PPP6C: variants seen among roughly 807,000 people sequenced by gnomAD.
The protein encoded by PPP6C is serine/threonine-protein phosphatase 6 catalytic subunit.
PPP6C carries 11 observed loss-of-function variants against 39.8 expected under a neutral mutation model. The observed-to-expected ratio is 0.28, with a 90% CI of 0.17 to 0.46. The LOEUF is 0.46. Ranked by LOEUF, PPP6C falls within the 20% of genes least tolerant of loss-of-function variation. The probability of loss-of-function intolerance (pLI) is 1.00; values close to 1 mark genes in which losing one functional copy is unlikely to be tolerated. For synonymous variants in PPP6C, 129 were observed against 130.3 expected (o/e 0.99, Z 0.07); for missense variants, 211 against 373.9 (o/e 0.56, Z 3.59).
At chr9:125,151,687 C>G (rs1200846031) in intron 6 of PPP6C, 1 of 432,348 alleles carries the variant, frequency 2.3e-6, no homozygotes, top group Non-Finnish European at 4.4e-6. Flanking sequence ...ACCCAGCTTG[C>G]TCCAGTGTAG....
chr9:125,153,387 G>A (rs376671835), intron 6 of PPP6C, 146 bp downstream of exon 6: 20 of 735,884 alleles, frequency 2.7e-5, no homozygotes, highest in East Asian at 2.2e-4. Flanking sequence ...AAAGACATAC[G>A]TTAATAACTA....
In PPP6C at chr9:125,189,728, A is replaced by G. The variant is rs548523990; in HGVS notation, c.-10T>C. 1 of 1,574,116 alleles carries G rather than the reference A, an allele frequency of 6.4e-7. No individual in the cohort carries two copies. Among genetic ancestry groups the G allele is most frequent in the Non-Finnish European group, 8.6e-7 (1 of 1,165,708 alleles). ...GGTCTAGCGGCGCCATTTTAAGAAT[A>G]ACAAGCCGCGGCAACAGCGGCGGCG... On this transcript the variant is annotated 5_prime_UTR_variant, in exon 1 of 7. Transcript: ENST00000373547.
chr9:125,169,737 G>A (rs967370753), intron 2 of PPP6C, among the ~76,000 whole-genome samples: 6 of 152,100 alleles, frequency 3.9e-5, no homozygotes, highest in Admixed American at 2.0e-4. Flanking sequence ...AAGTTACATG[G>A]AAATTTTAGG....
At position 125,148,104 on chromosome 9, in the gene PPP6C, C is replaced by A. The variant is rs1002860766; in HGVS notation, c.*1569G>T. The A allele has an allele frequency of 5.4e-6, 1 of 186,102 alleles. No homozygotes were observed. 11.5% of individuals were successfully genotyped at this position (186,102 alleles called of 1,614,324 possible). A position where few individuals can be genotyped will look rare whatever the true frequency, so the allele number is the denominator to read the frequency against. ...AAAATTAAATCAAAACAGTATTGTG[C>A]TCAATTAATAAAAGAAAACCCTGAT... is the stretch of plus-strand genomic sequence containing the variant. On this transcript the variant is annotated 3_prime_UTR_variant, in exon 7 of 7. Transcript: ENST00000373547.
At chr9:125,185,889 G>A (rs1156238266) in intron 1 of PPP6C, among the ~76,000 whole-genome samples, 2 of 151,960 alleles carry the variant, frequency 1.3e-5, no homozygotes, top group Admixed American at 1.3e-4. Context: ...GAAGGCTGAG[G>A]CAGGAGAATC....
rs191667950 is a variant in PPP6C at position 125,149,940 on chromosome 9, C to T, written c.670-19G>A. ...GAACAAACTGCAATTTAGAAAGGCA[C>T]TGTAAGTACTTAGCACTTAAAAAAC... is the stretch of plus-strand genomic sequence containing the variant. On this transcript the variant is annotated intron_variant, in intron 6 of 6. Transcript: ENST00000373547. 81 of 1,609,668 alleles carry T rather than the reference C, an allele frequency of 5.0e-5. No homozygotes were observed. Among genetic ancestry groups the T allele is most frequent in the Admixed American group, 1.7e-4 (10 of 59,550 alleles).
intron 2 of PPP6C, among the ~76,000 whole-genome samples, chr9:125,166,230 C>T (rs1308812966): frequency 6.6e-6 from 1 of 152,160 alleles, no homozygotes; most frequent in Non-Finnish European, 1.5e-5. Flanking sequence ...AATATCACTG[C>T]TCATTTCATC....
chr9:125,167,411 A>C (rs113910603), intron 2 of PPP6C, among the ~76,000 whole-genome samples: 5,335 of 146,722 alleles, frequency 0.036, 342 homozygotes, highest in African/African-American at 0.13. Flanking sequence ...AAATAAAAAA[A>C]AGGCCGGGCA....
chr9:125,150,729 G>T, intron 6 of PPP6C: 1 of 779,388 alleles, frequency 1.3e-6, no homozygotes, highest in South Asian at 1.3e-5. Context: ...CCTGGAGCTC[G>T]GCAAGGCAGT....
At chr9:125,189,584 G>A (rs466994) in intron 1 of PPP6C, 60 bp downstream of exon 1, 719,835 of 1,606,020 alleles carry the variant, frequency 0.45, 164,148 homozygotes, top group East Asian at 0.55. Flanking sequence ...CTGGAGAAAG[G>A]AAGGGCCGGC....
At chr9:125,180,990 G>A (rs1159874256) in intron 1 of PPP6C, among the ~76,000 whole-genome samples, 1 of 152,126 alleles carries the variant, frequency 6.6e-6, no homozygotes, top group Non-Finnish European at 1.5e-5. Context: ...TTACAGCTGC[G>A]TCCTACGACT....
chr9:125,167,386 AAAAAAAAAAAAAAGAAAT>A (rs1489539726), intron 2 of PPP6C, among the ~76,000 whole-genome samples: 6 of 135,740 alleles, frequency 4.4e-5, no homozygotes, highest in East Asian at 2.0e-4. Flanking sequence ...GTCCAAAAAA[AAAAAAAAAAAAAAGAAAT>A]AAAAAAAAGG....
chr9:125,186,089 T>A (rs1829525506), intron 1 of PPP6C, among the ~76,000 whole-genome samples: 1 of 152,116 alleles, frequency 6.6e-6, no homozygotes, highest in African/African-American at 2.4e-5. Context: ...CATTTAGTAT[T>A]TTATCTTCTA....
At chr9:125,156,760 T>G (rs1836087585) in intron 4 of PPP6C, among the ~76,000 whole-genome samples, 1 of 151,976 alleles carries the variant, frequency 6.6e-6, no homozygotes, top group Admixed American at 6.6e-5. Flanking sequence ...TCTCTCTCTC[T>G]CTCTCTCTCT....
chr9:125,168,857 T>C (rs1829082383), intron 2 of PPP6C, among the ~76,000 whole-genome samples: 1 of 151,742 alleles, frequency 6.6e-6, no homozygotes. Context: ...GCCTCCCGGG[T>C]TCTAGCGATT....
At chr9:125,151,063 C>T in intron 6 of PPP6C, 1 of 1,339,036 alleles carries the variant, frequency 7.5e-7, no homozygotes, top group South Asian at 1.2e-5. Context: ...TTTTGATAAC[C>T]CAGTGGACTA....
chr9:125,164,807 C>T (rs1203860615), intron 2 of PPP6C, among the ~76,000 whole-genome samples: 3 of 152,070 alleles, frequency 2.0e-5, no homozygotes, highest in Non-Finnish European at 2.9e-5. Flanking sequence ...GGCATGATCT[C>T]GGCTCACTGC....
chr9:125,169,115 G>T (rs887448916), intron 2 of PPP6C, among the ~76,000 whole-genome samples: 17 of 152,160 alleles, frequency 1.1e-4, no homozygotes, highest in South Asian at 2.1e-4. Context: ...TTTGGTGGTG[G>T]TCTTAAAATA....
chr9:125,155,904 CAAA>C (rs1231626756), intron 4 of PPP6C, among the ~76,000 whole-genome samples: 3 of 61,452 alleles, frequency 4.9e-5, no homozygotes, highest in Non-Finnish European at 6.9e-5. Context: ...GACTCCGTCT[CAAA>C]AAAAAAAAAA....
Sources: allele counts gnomAD v4.1 joint callset (sites outside exome capture counted in the v4.1 genomes callset), GRCh38; gene constraint gnomAD v4.1.1; transcripts MANE v1.5; gene names NCBI Gene and HGNC (gene_info 2026-07-23, HGNC 2026-07-21).